The following SNX2 variants were observed in gnomAD, a reference collection of about 807,000 sequenced individuals.
SNX2 encodes sorting nexin-2.
Under a neutral mutation model 69.9 loss-of-function variants are expected in SNX2, and 25 were observed. The observed-to-expected ratio is 0.36, with a 90% CI of 0.26 to 0.50. The LOEUF is 0.50. Among genes scored for constraint, SNX2 ranks in the 20% least tolerant of loss-of-function variants. The pLI is 0.97. For missense variants in SNX2, 551 were observed against 613.3 expected (o/e 0.90, Z 1.07); for synonymous variants, 229 against 200.4 (o/e 1.14, Z -1.20).
chr5:122,824,917 T>C (rs1286013526), intron 11 of SNX2, among the ~76,000 whole-genome samples: 4 of 152,154 alleles, frequency 2.6e-5, no homozygotes, highest in Non-Finnish European at 4.4e-5. Context: ...TTATTTCTAA[T>C]CCATAAATGT....
At chr5:122,780,499 G>A (rs963394864) in intron 1 of SNX2, among the ~76,000 whole-genome samples, 4 of 151,996 alleles carry the variant, frequency 2.6e-5, no homozygotes, top group Admixed American at 2.0e-4. Context: ...GAGGAACTGC[G>A]AGCAAGTTTA....
intron 1 of SNX2, among the ~76,000 whole-genome samples, chr5:122,782,383 C>A (rs1226085866): frequency 6.7e-6 from 1 of 149,006 alleles, no homozygotes; most frequent in Non-Finnish European, 1.5e-5. Flanking sequence ...GGATTACAGG[C>A]ACCTACCCCC....
intron 11 of SNX2, 133 bp downstream of exon 11, chr5:122,819,156 A>G (rs1753962478): frequency 1.5e-6 from 1 of 651,466 alleles, no homozygotes; most frequent in African/African-American, 1.8e-5. Context: ...AGATAAGTAT[A>G]CATAACTTAA....
intron 1 of SNX2, among the ~76,000 whole-genome samples, chr5:122,789,247 G>A (rs1291496232): frequency 6.6e-6 from 1 of 152,136 alleles, no homozygotes; most frequent in African/African-American, 2.4e-5. Context: ...AGTGACCTAA[G>A]TATCAATTGA....
intron 3 of SNX2, among the ~76,000 whole-genome samples, chr5:122,801,606 A>T (rs1265232021): frequency 9.1e-5 from 2 of 21,970 alleles, no homozygotes; most frequent in Non-Finnish European, 1.5e-4. Flanking sequence ...CTCTATCTTT[A>T]AAAAAAAAAA....
chr5:122,791,501 C>T (rs1203867975), intron 1 of SNX2, among the ~76,000 whole-genome samples: 2 of 152,210 alleles, frequency 1.3e-5, no homozygotes, highest in Non-Finnish European at 2.9e-5. Flanking sequence ...AGGCTGGTCT[C>T]GAACTCTTGA....
At position 122,795,291 on chromosome 5, in the gene SNX2, C is replaced by G. The variant is rs760373789; in HGVS notation, c.134C>G (p.Ala45Gly). 6.2e-7 allele frequency: 1 copy of G among 1,613,180 alleles called. No individual in the cohort carries two copies. The highest frequency in any genetic ancestry group is 8.5e-7 in the Non-Finnish European group (1 of 1,179,280). The change falls in exon 2 of 15, where the codon GCT becomes GGT. Residue 45 changes from alanine (A) to glycine (G), a missense_variant. Physicochemically the swap from Ala to Gly is moderately conservative, Grantham distance 60 (BLOSUM62 0). Coordinates refer to ENST00000379516, the MANE Select transcript of SNX2 (RefSeq NM_003100.4). ...TCAAGTCCATCATCTCCAGAACCAG[C>G]TAGTCTTCCTGCAGAAGATATTAGT... Reference protein sequence around the residue: ...LESSPSSPEPASLPAEDISAN... With the variant: ...LESSPSSPEPGSLPAEDISAN...
Position 122,830,616 on chromosome 5 carries a change from A to G in SNX2, c.*968A>G, listed in dbSNP as rs1355937136. Among the ~76,000 whole-genome samples, 4 of 152,334 alleles carry G rather than the reference A, an allele frequency of 2.6e-5. No individual in the cohort carries two copies. The East Asian group carries it at 7.7e-4, about 29-fold the overall frequency. ...GAATAAGCAAGCACAACACAAAGCAAATTTGAAGTAAACTGAAATTTAGTT... is the reference window on the plus strand; with the variant it reads ...GAATAAGCAAGCACAACACAAAGCAGATTTGAAGTAAACTGAAATTTAGTT... On this transcript the variant is annotated 3_prime_UTR_variant, in exon 15 of 15. Transcript: ENST00000379516.
intron 5 of SNX2, among the ~76,000 whole-genome samples, chr5:122,803,092 T>TA (rs1377826654): frequency 2.6e-5 from 4 of 152,304 alleles, no homozygotes; most frequent in African/African-American, 9.6e-5. Flanking sequence ...TTATAGAACT[T>TA]ATGTTCCAGC....
intron 1 of SNX2, among the ~76,000 whole-genome samples, chr5:122,787,829 T>G (rs534252620): frequency 6.6e-6 from 1 of 152,316 alleles, no homozygotes; most frequent in African/African-American, 2.4e-5. Context: ...CAATATGAAC[T>G]TTCAGTTATG....
chr5:122,791,178 C>A (rs1432084487), intron 1 of SNX2, among the ~76,000 whole-genome samples: 1 of 142,516 alleles, frequency 7.0e-6, no homozygotes. Context: ...GGCTAGAGTG[C>A]GATGGCATGA....
chr5:122,786,070 A>G (rs1753080949), intron 1 of SNX2, among the ~76,000 whole-genome samples: 1 of 152,012 alleles, frequency 6.6e-6, no homozygotes, highest in African/African-American at 2.4e-5. Context: ...GATGCTTAGG[A>G]TTGTTTTGTC....
intron 8 of SNX2, among the ~76,000 whole-genome samples, chr5:122,816,462 G>A (rs575219198): frequency 6.6e-6 from 1 of 152,000 alleles, no homozygotes; most frequent in Non-Finnish European, 1.5e-5. Context: ...GTTCTAGTTT[G>A]CATTTTTTTC....
At chr5:122,816,220 G>T (rs1034402286) in intron 8 of SNX2, among the ~76,000 whole-genome samples, 1 of 152,092 alleles carries the variant, frequency 6.6e-6, no homozygotes, top group Admixed American at 6.5e-5. Flanking sequence ...TTTATAAGTA[G>T]TCTAACTCTG....
At chr5:122,821,016 T>C (rs1273333220) in intron 11 of SNX2, among the ~76,000 whole-genome samples, 2 of 152,316 alleles carry the variant, frequency 1.3e-5, no homozygotes, top group East Asian at 1.9e-4. Flanking sequence ...TAAATTAAGC[T>C]CTTTAAGATT....
At chr5:122,812,207 C>A (rs1356683982) in intron 7 of SNX2, among the ~76,000 whole-genome samples, 26 of 152,302 alleles carry the variant, frequency 1.7e-4, no homozygotes. Flanking sequence ...CCACGCTGGC[C>A]CCATGCCCCC....
rs1304114280 is a variant in SNX2, at chr5:122,818,820, C to T, written c.1009C>T (p.Leu337Phe). 1.2e-6 allele frequency: 2 copies of T among 1,609,164 alleles called. No individual in the cohort carries two copies. Among genetic ancestry groups the T allele is most frequent in the Admixed American group, 1.7e-5 (1 of 59,450 alleles). The change falls in exon 11 of 15, where the codon CTT becomes TTT. Residue 337 changes from leucine (L) to phenylalanine (F), a missense_variant and splice_region_variant. Coordinates refer to ENST00000379516, the MANE Select transcript of SNX2 (RefSeq NM_003100.4). ...GCATACTTTTTTTTAAATTTCAGAA[C>T]TTTCAGCCAACACAGCTGCCTTTGC... is the stretch of plus-strand genomic sequence containing the variant. ...VEALVCHRKE[L>F]SANTAAFAKS...
intron 1 of SNX2, among the ~76,000 whole-genome samples, chr5:122,782,361 C>T (rs1375484267): frequency 6.6e-6 from 1 of 151,850 alleles, no homozygotes; most frequent in African/African-American, 2.4e-5. Flanking sequence ...GCCTCGGCCT[C>T]CTGAATAGCT....
chr5:122,829,751 T>C lies in SNX2; in HGVS notation c.*103T>C. The stretch of plus-strand genomic sequence containing the variant: ...CCATCTAAATAAACCACTATATATT[T>C]TATGAATTACATGTGGTTTTATATA... On this transcript the variant is annotated 3_prime_UTR_variant, in exon 15 of 15. Coordinates refer to ENST00000379516, the MANE Select transcript of SNX2 (RefSeq NM_003100.4). 1.1e-6 allele frequency: 1 copy of C among 873,186 alleles called. No homozygotes were observed. The highest frequency in any genetic ancestry group is 1.9e-6 in the Non-Finnish European group (1 of 529,304). The allele number at this position is 873,186 out of a possible 1,614,324, so 54.1% of individuals were successfully genotyped here.
Sources: allele counts gnomAD v4.1 joint callset (sites outside exome capture counted in the v4.1 genomes callset), GRCh38; gene constraint gnomAD v4.1.1; transcripts MANE v1.5; gene names NCBI Gene and HGNC (gene_info 2026-07-23, HGNC 2026-07-21).